Variants in CNTNAP5 observed in about 807,000 individuals in gnomAD.
CNTNAP5 encodes the protein contactin-associated protein-like 5.
In CNTNAP5, 72 loss-of-function variants were observed where a neutral mutation model predicts 150.2. The observed-to-expected ratio is 0.48, with a 90% CI of 0.40 to 0.58. The LOEUF (loss-of-function observed/expected upper bound fraction) is 0.58. Among genes scored for constraint, CNTNAP5 ranks in the 20% least tolerant of loss-of-function variants. The probability of loss-of-function intolerance (pLI) is 0.00; values close to 1 mark genes in which losing one functional copy is unlikely to be tolerated. For missense variants in CNTNAP5, 1,636 were observed against 1,626.2 expected, an observed-to-expected ratio of 1.01 and a Z score of -0.10; for synonymous variants, 672 against 619.8, an observed-to-expected ratio of 1.08 and a Z score of -1.25.
At chr2:124,711,868 T>C (rs1679815299) in intron 13 of CNTNAP5, among the ~76,000 whole-genome samples, 2 of 152,086 alleles carry the variant, frequency 1.3e-5, no homozygotes, top group South Asian at 4.1e-4. Context: ...TAATTTATAT[T>C]TGGACAGTTC....
intron 3 of CNTNAP5, among the ~76,000 whole-genome samples, chr2:124,404,475 A>C (rs560118956): frequency 6.6e-6 from 1 of 152,288 alleles, no homozygotes; most frequent in African/African-American, 2.4e-5. Context: ...CCTTAGCCTC[A>C]CAGTGTCTCC....
At chr2:124,670,191 CTT>C (rs1190024844) in intron 13 of CNTNAP5, among the ~76,000 whole-genome samples, 7 of 112,580 alleles carry the variant, frequency 6.2e-5, no homozygotes, top group Non-Finnish European at 1.4e-4. Context: ...CTCTCTTTCT[CTT>C]TCTCTCTCTT....
intron 3 of CNTNAP5, among the ~76,000 whole-genome samples, chr2:124,254,775 T>C (rs1687267093): frequency 6.6e-6 from 1 of 152,182 alleles, no homozygotes; most frequent in South Asian, 2.1e-4. Flanking sequence ...CACTAAGTAA[T>C]AGCAGAGCCA....
intron 8 of CNTNAP5, among the ~76,000 whole-genome samples, chr2:124,518,476 G>T (rs573463168): frequency 6.6e-6 from 1 of 152,280 alleles, no homozygotes; most frequent in Admixed American, 6.5e-5. Flanking sequence ...CATTTGGTGG[G>T]AATGTAAAGT....
chr2:124,622,992 A>T (rs936059440), intron 12 of CNTNAP5, among the ~76,000 whole-genome samples: 10 of 152,204 alleles, frequency 6.6e-5, no homozygotes, highest in Non-Finnish European at 8.8e-5. Context: ...GAATGAGGCT[A>T]GTAAGTACTA....
rs1223273069 is a variant in CNTNAP5 at position 124,700,798 on chromosome 2, G to T, written c.2078-46431G>T. On this transcript the variant is annotated intron_variant, in intron 13 of 23. Coordinates refer to ENST00000682447, the MANE Select transcript of CNTNAP5 (RefSeq NM_001367498.1). ...TTGTATTTTTACAATATATTTAATA[G>T]TATATATTTAAGGTATACAAAACAT... Among the ~76,000 whole-genome samples the T allele has an allele frequency of 2.6e-5, 4 of 151,612 alleles. No homozygotes were observed. In the East Asian group the frequency reaches 5.8e-4, roughly 22 times the overall value.
chr2:124,278,857 G>A (rs999240061), intron 3 of CNTNAP5, among the ~76,000 whole-genome samples: 1 of 152,084 alleles, frequency 6.6e-6, no homozygotes, highest in Non-Finnish European at 1.5e-5. Flanking sequence ...AGTTCAGTAT[G>A]AGTAAACACA....
At chr2:124,611,315 T>C (rs1054179689) in intron 12 of CNTNAP5, among the ~76,000 whole-genome samples, 7 of 152,188 alleles carry the variant, frequency 4.6e-5, no homozygotes, top group African/African-American at 1.7e-4. Context: ...AAAGAAATGG[T>C]GAGTAAGGAA....
intron 19 of CNTNAP5, among the ~76,000 whole-genome samples, chr2:124,815,307 T>C (rs1053142737): frequency 2.0e-5 from 3 of 152,204 alleles, no homozygotes; most frequent in African/African-American, 7.2e-5. Flanking sequence ...CTCGGTAATC[T>C]CTCTCCAGCT....
chr2:124,524,587 TAC>T (rs969083009), intron 9 of CNTNAP5, 135 bp downstream of exon 9: 1 of 770,394 alleles, frequency 1.3e-6, no homozygotes, highest in Non-Finnish European at 2.0e-6. Context: ...CACATGCACA[TAC>T]ACACACACCC....
intron 3 of CNTNAP5, among the ~76,000 whole-genome samples, chr2:124,325,160 C>T (rs1335119166): frequency 6.6e-6 from 1 of 152,076 alleles, no homozygotes; most frequent in African/African-American, 2.4e-5. Flanking sequence ...ATGAAAGAAA[C>T]CTCGGAGAGC....
chr2:124,628,123 C>G (rs535699981), intron 12 of CNTNAP5, among the ~76,000 whole-genome samples: 1 of 152,254 alleles, frequency 6.6e-6, no homozygotes, highest in South Asian at 2.1e-4. Context: ...GAGAATGGAA[C>G]CAAGTTGTAA....
chr2:124,453,191 C>T (rs1289858047), intron 6 of CNTNAP5, among the ~76,000 whole-genome samples: 1 of 151,822 alleles, frequency 6.6e-6, no homozygotes, highest in East Asian at 1.9e-4. Flanking sequence ...AAAAAACAAT[C>T]AAAACTTTAG....
intron 13 of CNTNAP5, among the ~76,000 whole-genome samples, chr2:124,731,567 CAAGA>C (rs1424847379): frequency 6.8e-6 from 1 of 147,244 alleles, no homozygotes; most frequent in East Asian, 2.0e-4. Context: ...AGAAAGGGAG[CAAGA>C]AAGAAAGAAA....
chr2:124,857,200 A>C (rs775899416), intron 19 of CNTNAP5, among the ~76,000 whole-genome samples: 1 of 151,064 alleles, frequency 6.6e-6, no homozygotes. Flanking sequence ...GCAGCTCTAC[A>C]TTTTTTTTTC....
chr2:124,800,273 T>C (rs897136774), intron 19 of CNTNAP5, among the ~76,000 whole-genome samples: 1 of 152,184 alleles, frequency 6.6e-6, no homozygotes, highest in South Asian at 2.1e-4. Flanking sequence ...TATAGTTCCA[T>C]AGGCACAATT....
At chr2:124,403,452 T>C (rs1034221615) in intron 3 of CNTNAP5, among the ~76,000 whole-genome samples, 1 of 152,206 alleles carries the variant, frequency 6.6e-6, no homozygotes, top group Non-Finnish European at 1.5e-5. Context: ...AAGTTTTTTT[T>C]ATGTTTCTTT....
At chr2:124,234,411 G>C (rs371044665) in intron 2 of CNTNAP5, among the ~76,000 whole-genome samples, 2 of 152,258 alleles carry the variant, frequency 1.3e-5, no homozygotes, top group East Asian at 3.9e-4. Context: ...CGGCTACTAA[G>C]TATTTAAACG....
rs143231331 is a variant in CNTNAP5, at chr2:124,848,608, T to C, written c.3218-16698T>C. On this transcript the variant is annotated intron_variant, in intron 19 of 23. Transcript: ENST00000682447. ...TCCATAAGTGCCATACCAGTATATGTTCCCACCAACAGTGTACAAGGGTTC... is the reference window on the plus strand; with the variant it reads ...TCCATAAGTGCCATACCAGTATATGCTCCCACCAACAGTGTACAAGGGTTC... Among the ~76,000 whole-genome samples, 38 of 152,282 alleles carry C rather than the reference T, an allele frequency of 2.5e-4. No individual in the cohort carries two copies. The East Asian group carries it at 5.0e-3, about 20-fold the overall frequency.
Sources: allele counts gnomAD v4.1 joint callset (sites outside exome capture counted in the v4.1 genomes callset), GRCh38; gene constraint gnomAD v4.1.1; transcripts MANE v1.5; gene names NCBI Gene and HGNC (gene_info 2026-07-23, HGNC 2026-07-21).